Variants in MYO9A observed in about 807,000 individuals in gnomAD.
MYO9A encodes unconventional myosin-IXa.
A neutral mutation model predicts 293.3 loss-of-function variants in MYO9A; 103 were observed. The observed-to-expected ratio is 0.35, with a 90% CI of 0.30 to 0.41. The LOEUF is 0.41. Among genes scored for constraint, MYO9A ranks in the 10% least tolerant of loss-of-function variants. The pLI, the probability that MYO9A is intolerant of heterozygous loss-of-function variation, is 1.00. For missense variants in MYO9A, 2,685 were observed against 3,033.0 expected, an observed-to-expected ratio of 0.89 and a Z score of 2.69; for synonymous variants, 1,001 against 1,035.7, an observed-to-expected ratio of 0.97 and a Z score of 0.64.
chr15:71,862,694 T>C, intron 32 of MYO9A, 83 bp from the exon 33 acceptor site: 1 of 824,372 alleles, frequency 1.2e-6, no homozygotes, highest in Non-Finnish European at 2.0e-6. Context: ...TTCAATCTCT[T>C]GTTAAGTCTT....
chr15:72,002,549 A>G (rs1354042589), intron 8 of MYO9A, among the ~76,000 whole-genome samples: 2 of 152,194 alleles, frequency 1.3e-5, no homozygotes, highest in African/African-American at 4.8e-5. Context: ...AGAATATAGA[A>G]TATAGAAATC....
intron 19 of MYO9A, among the ~76,000 whole-genome samples, chr15:71,908,793 G>A (rs1052469538): frequency 2.0e-5 from 3 of 151,920 alleles, no homozygotes; most frequent in Admixed American, 6.6e-5. Context: ...TATGCATTAG[G>A]GTTCACTCTT....
Position 71,843,592 on chromosome 15 carries a change from G to A in MYO9A, c.6837+5253C>T, listed in dbSNP as rs116517487. Among the ~76,000 whole-genome samples, 688 of 152,218 alleles carry A rather than the reference G, an allele frequency of 4.5e-3. 4 individuals carry two copies. The highest frequency in any genetic ancestry group is 0.015 in the African/African-American group (634 of 41,538). ...CAACCTCTGCTTCTCAGGCTCAAGC[G>A]ATCCTCCCACCTCAGCCTTCCAAGT... On this transcript the variant is annotated intron_variant, in intron 39 of 41. Coordinates refer to ENST00000356056, the MANE Select transcript of MYO9A (RefSeq NM_006901.4).
chr15:72,077,712 AGAGT>A (rs1426406284), intron 1 of MYO9A, among the ~76,000 whole-genome samples: 1 of 142,932 alleles, frequency 7.0e-6, no homozygotes, highest in East Asian at 2.0e-4. Flanking sequence ...CCTGGGCAAC[AGAGT>A]GAGACTCTGT....
chr15:72,032,511 T>G lies in MYO9A; in HGVS notation c.918A>C (p.Glu306Asp), dbSNP rs753938924. 1 of 1,605,346 alleles carries G rather than the reference T, an allele frequency of 6.2e-7. No individual in the cohort carries two copies. Among genetic ancestry groups the G allele is most frequent in the Non-Finnish European group, 8.5e-7 (1 of 1,176,194 alleles). Residue 306 changes from glutamate to aspartate, a missense_variant, in exon 3 of 42, where the codon GAA (glutamate) becomes GAC (aspartate). Around this residue, in one of 10 missense-constraint regions of MYO9A, gnomAD observed 289 missense variants for 456.8 expected, o/e 0.63. Coordinates refer to ENST00000356056, the MANE Select transcript of MYO9A (RefSeq NM_006901.4). ...FGKFIQVNYQ[E>D]TGTVLGAYVE... is the part of the protein sequence containing the mutation. ...GTACTTACCCAAGTACAGTGCCTGT[T>G]TCCTGGTAATTTACTTGAATAAACT...
At chr15:72,039,433 T>C (rs747722693) in intron 2 of MYO9A, among the ~76,000 whole-genome samples, 31 of 152,084 alleles carry the variant, frequency 2.0e-4, no homozygotes, top group Non-Finnish European at 3.5e-4. Flanking sequence ...CTTTAAAATT[T>C]TTGTTTATAT....
At chr15:71,985,665 T>C (rs1352704336) in intron 11 of MYO9A, among the ~76,000 whole-genome samples, 2 of 152,168 alleles carry the variant, frequency 1.3e-5, no homozygotes, top group Non-Finnish European at 2.9e-5. Flanking sequence ...TAACGAAATG[T>C]CTCTAGGAAC....
chr15:72,022,180 G>A (rs1260953320), intron 4 of MYO9A, among the ~76,000 whole-genome samples: 1 of 152,196 alleles, frequency 6.6e-6, no homozygotes, highest in African/African-American at 2.4e-5. Context: ...CAAACCCTGG[G>A]AAGGAGAGGA....
chr15:71,841,167 T>C (rs2055145565), intron 39 of MYO9A, among the ~76,000 whole-genome samples: 1 of 152,258 alleles, frequency 6.6e-6, no homozygotes, highest in Non-Finnish European at 1.5e-5. Context: ...TGCATGTATA[T>C]AATCATAATG....
intron 1 of MYO9A, among the ~76,000 whole-genome samples, chr15:72,081,012 C>G (rs1191671442): frequency 1.3e-5 from 2 of 152,130 alleles, no homozygotes; most frequent in African/African-American, 4.8e-5. Context: ...ATAAATAGTG[C>G]TGCAGTGAAC....
intron 3 of MYO9A, among the ~76,000 whole-genome samples, chr15:72,028,665 T>C (rs1324515784): frequency 6.7e-6 from 1 of 148,724 alleles, no homozygotes; most frequent in Non-Finnish European, 1.5e-5. Flanking sequence ...AAAAAAGAAG[T>C]TTAAAACACA....
At chr15:71,972,479 G>A (rs767068643) in intron 12 of MYO9A, among the ~76,000 whole-genome samples, 3 of 152,050 alleles carry the variant, frequency 2.0e-5, no homozygotes, top group Non-Finnish European at 4.4e-5. Flanking sequence ...AAGGTGGGGT[G>A]GGGTGCAGTT....
intron 14 of MYO9A, chr15:71,958,729 A>T (rs2059259373): frequency 6.6e-6 from 1 of 152,216 alleles, no homozygotes; most frequent in South Asian, 2.1e-4. Flanking sequence ...TGTACTAGCC[A>T]GAAGGGAAAA....
In MYO9A at chr15:71,862,432, A is replaced by T. The variant is rs185550098; in HGVS notation, c.6091+68T>A. On this transcript the variant is annotated intron_variant, in intron 33 of 41. Coordinates refer to ENST00000356056, the MANE Select transcript of MYO9A (RefSeq NM_006901.4). Reference sequence around the variant, plus strand: ...ATAACTCCTTTATGTTAAAGGAGATATAAGACAACTCAAGGAAACAGAAAT... The same window carrying T: ...ATAACTCCTTTATGTTAAAGGAGATTTAAGACAACTCAAGGAAACAGAAAT... 2.9e-4 allele frequency: 358 copies of T among 1,240,054 alleles called. 5 individuals carry two copies. The East Asian group carries it at 6.2e-3, about 22-fold the overall frequency. 76.8% of individuals were successfully genotyped at this position (1,240,054 alleles called of 1,614,324 possible).
intron 12 of MYO9A, among the ~76,000 whole-genome samples, chr15:71,969,958 A>C (rs2075969906): frequency 6.6e-6 from 1 of 152,144 alleles, no homozygotes; most frequent in Non-Finnish European, 1.5e-5. Context: ...GATCCCAACT[A>C]TTGCAATTCT....
At chr15:71,916,810 C>G (rs2144782674) in intron 18 of MYO9A, among the ~76,000 whole-genome samples, 1 of 152,318 alleles carries the variant, frequency 6.6e-6, no homozygotes, top group Non-Finnish European at 1.5e-5. Context: ...ACTAGTTCTG[C>G]TTCTGCTAGC....
chr15:71,979,057 A>G (rs1158326052), intron 11 of MYO9A, among the ~76,000 whole-genome samples: 2 of 152,162 alleles, frequency 1.3e-5, no homozygotes, highest in African/African-American at 4.8e-5. Context: ...TTGTTTTAGC[A>G]TTCACTTACA....
chr15:72,059,719 C>G (rs1156679452), intron 1 of MYO9A, among the ~76,000 whole-genome samples: 3 of 152,128 alleles, frequency 2.0e-5, no homozygotes, highest in African/African-American at 7.2e-5. Flanking sequence ...CTCACTTGAA[C>G]CCAAACCAGA....
rs766412575 is a variant in MYO9A at position 71,880,546 on chromosome 15, T to C, written c.5411A>G (p.Tyr1804Cys). 1.2e-6 allele frequency: 2 copies of C among 1,613,534 alleles called. No individual in the cohort carries two copies. The highest frequency in any genetic ancestry group is 1.7e-4 in the Middle Eastern group (1 of 6,046). Reference protein sequence around the residue: ...AHQFPDELAAYHPTPPLSPEL... With the variant: ...AHQFPDELAACHPTPPLSPEL... ...TGGGCTCAAAGGAGGTGTTGGGTGATATGCAGCTAATTCTACAATTCAAGA... is the reference window on the plus strand; with the variant it reads ...TGGGCTCAAAGGAGGTGTTGGGTGACATGCAGCTAATTCTACAATTCAAGA... Residue 1804 changes from tyrosine (Y) to cysteine (C), a missense_variant, in exon 29 of 42, where the codon TAT (tyrosine) becomes TGT (cysteine). Physicochemically the swap from Tyr to Cys is radical, Grantham distance 194. This residue lies in a region of MYO9A where 1,434 missense variants were observed against 1,497.7 expected (regional missense o/e 0.96). Transcript: ENST00000356056.
Sources: allele counts gnomAD v4.1 joint callset (sites outside exome capture counted in the v4.1 genomes callset), GRCh38; gene constraint gnomAD v4.1.1; regional missense constraint gnomAD v4.1.1; transcripts MANE v1.5; gene names NCBI Gene and HGNC (gene_info 2026-07-23, HGNC 2026-07-21).